DDX4: variants seen among roughly 807,000 people sequenced by gnomAD.
The protein encoded by DDX4 is probable ATP-dependent RNA helicase DDX4.
DDX4 carries 25 observed loss-of-function variants against 100.0 expected under a neutral mutation model. The ratio of observed to expected loss-of-function variants is 0.25; its 90% CI spans 0.18 to 0.35. DDX4 has a LOEUF of 0.35. Ranked by LOEUF, DDX4 falls within the 10% of genes least tolerant of loss-of-function variation. The pLI, the probability that DDX4 is intolerant of heterozygous loss-of-function variation, is 1.00. For synonymous variants in DDX4, 259 were observed against 275.7 expected, an observed-to-expected ratio of 0.94 and a Z score of 0.60; for missense variants, 635 against 882.4, an observed-to-expected ratio of 0.72 and a Z score of 3.55.
At chr5:55,749,278 A>T (rs942586665) in intron 3 of DDX4, among the ~76,000 whole-genome samples, 5 of 152,298 alleles carry the variant, frequency 3.3e-5, no homozygotes, top group African/African-American at 7.2e-5. Flanking sequence ...AAAAATTTTT[A>T]AAAATTAGCT....
At chr5:55,783,541 G>A (rs1219262376) in intron 10 of DDX4, among the ~76,000 whole-genome samples, 1 of 152,048 alleles carries the variant, frequency 6.6e-6, no homozygotes, top group Non-Finnish European at 1.5e-5. Flanking sequence ...ATCAGTAAAC[G>A]AAATTGAAAA....
At chr5:55,808,662 G>C (rs1296019181) in intron 18 of DDX4, among the ~76,000 whole-genome samples, 1 of 152,216 alleles carries the variant, frequency 6.6e-6, no homozygotes, top group South Asian at 2.1e-4. Flanking sequence ...ATTGCTACCT[G>C]ATCGTTCCTC....
rs1384386604 is a variant in DDX4 at position 55,781,556 on chromosome 5, C to G, written c.578-378C>G. 2.0e-5 allele frequency among the ~76,000 whole-genome samples: 3 copies of G among 152,106 alleles called. No homozygotes were observed. The East Asian group carries it at 5.8e-4, about 29-fold the overall frequency. On this transcript the variant is annotated intron_variant, in intron 9 of 21. Coordinates refer to ENST00000505374, the MANE Select transcript of DDX4 (RefSeq NM_024415.3). ...GTTTGGGAGGCTGAGGCAGGTGGAT[C>G]ACTTGAGGCCAGGAGTTCGACACCA...
At position 55,816,757 on chromosome 5, in the gene DDX4, T is replaced by A; in HGVS notation, c.*217T>A. ...TGATACAAATGGTGTTAACTGGGAA[T>A]ATTAAAGCATTCTAAATGTCTTTCT... On this transcript the variant is annotated 3_prime_UTR_variant, in exon 22 of 22. Coordinates refer to ENST00000505374, the MANE Select transcript of DDX4 (RefSeq NM_024415.3). 1 of 693,174 alleles carries A rather than the reference T, an allele frequency of 1.4e-6. No individual in the cohort carries two copies. The highest frequency in any genetic ancestry group is 3.1e-5 in the East Asian group (1 of 31,988). The allele number at this position is 693,174 out of a possible 1,614,324, so 42.9% of individuals were successfully genotyped here.
At chr5:55,746,035 A>G (rs1452869294) in intron 2 of DDX4, 129 bp from the exon 3 acceptor site, 1 of 684,262 alleles carries the variant, frequency 1.5e-6, no homozygotes, top group Non-Finnish European at 2.4e-6. Context: ...TGATTTAGAA[A>G]ACCTTACAGT....
At chr5:55,787,803 G>A (rs1561503685) in intron 14 of DDX4, 43 bp from the exon 15 acceptor site, 1 of 1,594,824 alleles carries the variant, frequency 6.3e-7, no homozygotes, top group South Asian at 1.1e-5. Context: ...AGGGATAAAA[G>A]TGTTGTGCTA....
chr5:55,792,543 TTTTTTCTTAACAGTA>T, intron 16 of DDX4, 83 bp from the exon 17 acceptor site: 1 of 629,062 alleles, frequency 1.6e-6, no homozygotes, highest in Non-Finnish European at 2.3e-6. Context: ...GTATTTTTTT[TTTTTTCTTAACAGTA>T]TTTTAACAGT....
intron 3 of DDX4, among the ~76,000 whole-genome samples, chr5:55,753,524 G>T (rs184030746): frequency 6.6e-6 from 1 of 152,078 alleles, no homozygotes; most frequent in Non-Finnish European, 1.5e-5. Context: ...CTGTTCCATT[G>T]GTCTATATCT....
intron 2 of DDX4, 81 bp from the exon 3 acceptor site, chr5:55,746,083 T>A (rs565167705): frequency 3.6e-6 from 4 of 1,105,418 alleles, no homozygotes; most frequent in Non-Finnish European, 4.0e-6. Flanking sequence ...TCAATTGTTA[T>A]AATTTTCTAG....
chr5:55,742,574 G>A (rs552832794), intron 2 of DDX4, among the ~76,000 whole-genome samples: 1 of 152,306 alleles, frequency 6.6e-6, no homozygotes, highest in African/African-American at 2.4e-5. Flanking sequence ...AAATGCAAAA[G>A]GATTATTTGT....
At chr5:55,751,300 C>A (rs1316077719) in intron 3 of DDX4, among the ~76,000 whole-genome samples, 1 of 152,146 alleles carries the variant, frequency 6.6e-6, no homozygotes, top group Non-Finnish European at 1.5e-5. Flanking sequence ...GTGCTGCAGT[C>A]ATAGCTCACT....
intron 18 of DDX4, among the ~76,000 whole-genome samples, chr5:55,807,911 G>A (rs1743849592): frequency 6.6e-6 from 1 of 152,198 alleles, no homozygotes. Context: ...CCTGCAGAGT[G>A]TTTTCCAACT....
intron 5 of DDX4, 60 bp downstream of exon 5, chr5:55,763,312 T>C: frequency 9.5e-7 from 1 of 1,054,130 alleles, no homozygotes; most frequent in Non-Finnish European, 1.5e-6. Context: ...AATAATTGAG[T>C]TTAAATACTG....
intron 18 of DDX4, among the ~76,000 whole-genome samples, chr5:55,803,738 T>G (rs1473426606): frequency 6.6e-6 from 1 of 152,006 alleles, no homozygotes; most frequent in Non-Finnish European, 1.5e-5. Flanking sequence ...GTTGGACATT[T>G]GGGTTGGTTC....
chr5:55,763,260 C>T lies in DDX4; in HGVS notation c.283+8C>T, dbSNP rs1322385894. ...AGAGTTTTGGAAACAGAGGTAATTA[C>T]TTGGTTATGATATCTTACAATCAAA... is the stretch of plus-strand genomic sequence containing the variant. On this transcript the variant is annotated splice_region_variant and intron_variant, in intron 5 of 21. Coordinates refer to ENST00000505374, the MANE Select transcript of DDX4 (RefSeq NM_024415.3). 1.3e-6 allele frequency: 2 copies of T among 1,566,010 alleles called. No homozygotes were observed. Among genetic ancestry groups the T allele is most frequent in the African/African-American group, 2.7e-5 (2 of 73,804 alleles).
At chr5:55,751,121 C>T (rs1021673184) in intron 3 of DDX4, among the ~76,000 whole-genome samples, 3 of 152,256 alleles carry the variant, frequency 2.0e-5, no homozygotes, top group Non-Finnish European at 4.4e-5. Context: ...CCAGTTTATA[C>T]TCCCATCATT....
intron 14 of DDX4, among the ~76,000 whole-genome samples, chr5:55,787,540 A>G (rs891557871): frequency 5.3e-5 from 8 of 152,224 alleles, no homozygotes; most frequent in African/African-American, 1.4e-4. Flanking sequence ...GATTACATCT[A>G]TCATATTCCT....
In DDX4 at chr5:55,815,169, G is replaced by GA; in HGVS notation, c.1985dup (p.Asp662GlufsTer16). On this transcript the variant is annotated frameshift_variant and splice_region_variant, in exon 20 of 22. Coordinates refer to ENST00000505374, the MANE Select transcript of DDX4 (RefSeq NM_024415.3). LOFTEE classifies it high-confidence loss of function. Reference sequence around the variant, plus strand: ...ACAGCCTCTAGTAAAAGTATTGACAGATGTAAGTTAAACTTTTATGATGGA... The same window carrying GA: ...ACAGCCTCTAGTAAAAGTATTGACAGAATGTAAGTTAAACTTTTATGATGGA... The GA allele has an allele frequency of 6.2e-7, 1 of 1,612,822 alleles. No homozygotes were observed. Among genetic ancestry groups the GA allele is most frequent in the Non-Finnish European group, 8.5e-7 (1 of 1,179,374 alleles).
chr5:55,811,127 G>C (rs1317131755), intron 18 of DDX4, among the ~76,000 whole-genome samples: 1 of 150,582 alleles, frequency 6.6e-6, no homozygotes, highest in African/African-American at 2.4e-5. Flanking sequence ...TAATGGCTCT[G>C]AGGAAAAAAA....
Sources: allele counts gnomAD v4.1 joint callset (sites outside exome capture counted in the v4.1 genomes callset), GRCh38; gene constraint gnomAD v4.1.1; transcripts MANE v1.5; gene names NCBI Gene and HGNC (gene_info 2026-07-23, HGNC 2026-07-21).